The following PTPRG variants were observed in gnomAD, a reference collection of about 807,000 sequenced individuals.
The protein encoded by PTPRG is receptor-type tyrosine-protein phosphatase gamma.
Under a neutral mutation model 165.3 loss-of-function variants are expected in PTPRG, and 102 were observed. That is an observed-to-expected ratio of 0.62 (90% confidence interval 0.53 to 0.73). PTPRG has a LOEUF of 0.73. Among genes scored for constraint, PTPRG ranks in the 30% least tolerant of loss-of-function variants. The pLI is 0.00. For synonymous variants in PTPRG, 675 were observed against 669.5 expected, an observed-to-expected ratio of 1.01 and a Z score of -0.13; for missense variants, 1,866 against 1,861.4, an observed-to-expected ratio of 1.00 and a Z score of -0.05.
At chr3:62,130,351 T>A (rs1508393) in intron 5 of PTPRG, among the ~76,000 whole-genome samples, 28,908 of 152,210 alleles carry the variant, frequency 0.19, 3,091 homozygotes, top group East Asian at 0.31. Flanking sequence ...TGCATCATGT[T>A]CACTAATTCT....
At chr3:61,703,529 G>C (rs368456358) in intron 1 of PTPRG, among the ~76,000 whole-genome samples, 1 of 152,158 alleles carries the variant, frequency 6.6e-6, no homozygotes, top group Non-Finnish European at 1.5e-5. Flanking sequence ...AGGGCTGGGG[G>C]AGTTGATGCT....
intron 3 of PTPRG, among the ~76,000 whole-genome samples, chr3:62,002,732 G>C (rs1316354020): frequency 6.6e-6 from 1 of 152,178 alleles, no homozygotes; most frequent in Admixed American, 6.5e-5. Context: ...CGAGTTAGCT[G>C]CCAGTATTTG....
intron 2 of PTPRG, among the ~76,000 whole-genome samples, chr3:61,790,331 C>T (rs978141412): frequency 4.6e-5 from 7 of 152,194 alleles, no homozygotes; most frequent in African/African-American, 1.7e-4. Context: ...CAGAGTACTT[C>T]GGGAACACCA....
intron 2 of PTPRG, among the ~76,000 whole-genome samples, chr3:61,912,114 GA>G (rs781288634): frequency 5.6e-4 from 85 of 152,166 alleles, no homozygotes; most frequent in Non-Finnish European, 8.8e-4. Context: ...CTATTTTTAT[GA>G]AGTATTTTTG....
At chr3:61,565,172 C>T (rs1438266204) in intron 1 of PTPRG, among the ~76,000 whole-genome samples, 1 of 152,104 alleles carries the variant, frequency 6.6e-6, no homozygotes, top group East Asian at 1.9e-4. Flanking sequence ...GGAAACACAG[C>T]CCTGGCATGA....
intron 2 of PTPRG, among the ~76,000 whole-genome samples, chr3:61,896,228 C>T (rs1416012610): frequency 6.6e-6 from 1 of 152,190 alleles, no homozygotes; most frequent in Non-Finnish European, 1.5e-5. Flanking sequence ...CCTCCCATCT[C>T]TAACTCCTAG....
chr3:62,152,875 A>C (rs1243464821), intron 6 of PTPRG, among the ~76,000 whole-genome samples: 1 of 152,324 alleles, frequency 6.6e-6, no homozygotes, highest in East Asian at 1.9e-4. Context: ...AAATAGGGGC[A>C]GGCAGAATAT....
intron 1 of PTPRG, among the ~76,000 whole-genome samples, chr3:61,666,952 T>C (rs576600721): frequency 3.1e-4 from 47 of 152,346 alleles, no homozygotes; most frequent in Non-Finnish European, 5.4e-4. Context: ...GTAATTGTTT[T>C]TACATTTAGT....
intron 2 of PTPRG, among the ~76,000 whole-genome samples, chr3:61,849,904 T>TAA (rs2036914595): frequency 6.6e-6 from 1 of 152,242 alleles, no homozygotes; most frequent in Non-Finnish European, 1.5e-5. Flanking sequence ...GGAGTTGGAC[T>TAA]AAATTTTTAA....
Position 61,759,114 on chromosome 3 carries a change from C to T in PTPRG, c.190+10132C>T, listed in dbSNP as rs2033742569. Among the ~76,000 whole-genome samples, 4 of 152,262 alleles carry T rather than the reference C, an allele frequency of 2.6e-5. No homozygotes were observed. The South Asian group carries it at 8.3e-4, about 32-fold the overall frequency. ...CTTCTCTCTCTCAGCTGGTAATCTC[C>T]TATGACCCTGTTTGAGATCAGCTAC... On this transcript the variant is annotated intron_variant, in intron 2 of 29. Transcript: ENST00000474889.
chr3:62,281,308 C>G (rs952940595), intron 26 of PTPRG, among the ~76,000 whole-genome samples: 4 of 151,878 alleles, frequency 2.6e-5, no homozygotes, highest in Non-Finnish European at 5.9e-5. Context: ...TGTAATAAGT[C>G]CCCTATAGTG....
At chr3:61,793,716 C>A (rs941116991) in intron 2 of PTPRG, among the ~76,000 whole-genome samples, 1 of 152,172 alleles carries the variant, frequency 6.6e-6, no homozygotes, top group African/African-American at 2.4e-5. Context: ...GAAGTCCAGT[C>A]CAGTACAGCT....
At chr3:62,040,031 T>C (rs1167030893) in intron 4 of PTPRG, among the ~76,000 whole-genome samples, 1 of 152,262 alleles carries the variant, frequency 6.6e-6, no homozygotes, top group East Asian at 1.9e-4. Context: ...TTATAGGTAG[T>C]TACTTTTCCA....
At chr3:61,839,204 G>T (rs759507292) in intron 2 of PTPRG, among the ~76,000 whole-genome samples, 1 of 152,158 alleles carries the variant, frequency 6.6e-6, no homozygotes, top group African/African-American at 2.4e-5. Context: ...TTTATTGGAG[G>T]CAGGAAAAGC....
At chr3:62,211,119 TGAA>T (rs1259069816) in intron 12 of PTPRG, among the ~76,000 whole-genome samples, 1 of 152,028 alleles carries the variant, frequency 6.6e-6, no homozygotes, top group African/African-American at 2.4e-5. Flanking sequence ...CATCAATGAG[TGAA>T]TGGATAAACA....
chr3:62,081,029 G>T (rs1034622292), intron 5 of PTPRG, among the ~76,000 whole-genome samples: 2 of 151,640 alleles, frequency 1.3e-5, no homozygotes, highest in Non-Finnish European at 2.9e-5. Context: ...AGGCCGAGGC[G>T]GGCGGATCAC....
chr3:61,701,541 T>C (rs2030957761), intron 1 of PTPRG, among the ~76,000 whole-genome samples: 1 of 152,194 alleles, frequency 6.6e-6, no homozygotes, highest in Non-Finnish European at 1.5e-5. Context: ...TTCTACAGTA[T>C]AATAATGAAA....
At chr3:61,593,877 G>A (rs1700634003) in intron 1 of PTPRG, among the ~76,000 whole-genome samples, 1 of 152,072 alleles carries the variant, frequency 6.6e-6, no homozygotes, top group Non-Finnish European at 1.5e-5. Flanking sequence ...GAAGGCAATT[G>A]GAAAGATACA....
chr3:61,571,499 A>T (rs1168706231), intron 1 of PTPRG, among the ~76,000 whole-genome samples: 1 of 152,228 alleles, frequency 6.6e-6, no homozygotes, highest in Non-Finnish European at 1.5e-5. Context: ...TACTTGCTAC[A>T]ATTAAATAAG....
Sources: allele counts gnomAD v4.1 joint callset (sites outside exome capture counted in the v4.1 genomes callset), GRCh38; gene constraint gnomAD v4.1.1; transcripts MANE v1.5; gene names NCBI Gene and HGNC (gene_info 2026-07-23, HGNC 2026-07-21).